DCDC1: variants seen among roughly 807,000 people sequenced by gnomAD.
The protein encoded by DCDC1 is doublecortin domain-containing protein 1.
A neutral mutation model predicts 178.3 loss-of-function variants in DCDC1; 200 were observed. The ratio of observed to expected loss-of-function variants is 1.12; its 90% CI spans 1.00 to 1.26. The LOEUF (loss-of-function observed/expected upper bound fraction) is 1.26. Ranked by LOEUF, DCDC1 falls within the 50% of genes most tolerant of loss-of-function variation. The probability of loss-of-function intolerance (pLI) is 0.00; values close to 1 mark genes in which losing one functional copy is unlikely to be tolerated. For synonymous variants in DCDC1, 690 were observed against 604.8 expected (o/e 1.14, Z -2.07); for missense variants, 1,983 against 1,749.2 (o/e 1.13, Z -2.38).
intron 7 of DCDC1, among the ~76,000 whole-genome samples, chr11:31,286,759 A>G (rs1012306991): frequency 1.3e-5 from 2 of 152,112 alleles, no homozygotes; most frequent in Admixed American, 1.3e-4. Context: ...TAGAAAACAG[A>G]TAAACATCCA....
At chr11:31,022,587 A>G (rs1236453908) in intron 20 of DCDC1, among the ~76,000 whole-genome samples, 2 of 150,830 alleles carry the variant, frequency 1.3e-5, no homozygotes, top group Non-Finnish European at 2.9e-5. Flanking sequence ...GTTAAATTCT[A>G]TAACATACAG....
chr11:31,051,444 C>A (rs1286622812), intron 20 of DCDC1, among the ~76,000 whole-genome samples: 4 of 152,116 alleles, frequency 2.6e-5, no homozygotes, highest in Non-Finnish European at 5.9e-5. Context: ...TGTGAGAGAC[C>A]TAGACAGCTA....
At chr11:31,079,478 C>T (rs1025643939) in intron 17 of DCDC1, among the ~76,000 whole-genome samples, 5 of 152,094 alleles carry the variant, frequency 3.3e-5, no homozygotes, top group East Asian at 1.9e-4. Context: ...TCAAACCCAA[C>T]GAGGGGGTCA....
chr11:31,252,270 T>G (rs1944092173), intron 8 of DCDC1, among the ~76,000 whole-genome samples: 1 of 152,132 alleles, frequency 6.6e-6, no homozygotes. Flanking sequence ...GGTGACAGAT[T>G]AAATATCTGA....
intron 20 of DCDC1, among the ~76,000 whole-genome samples, chr11:31,020,454 G>T (rs1952793486): frequency 6.6e-6 from 1 of 152,094 alleles, no homozygotes; most frequent in African/African-American, 2.4e-5. Context: ...AGAGATGTTT[G>T]TCTTAAGTCA....
chr11:31,127,782 A>G, intron 10 of DCDC1, 143 bp from the exon 11 acceptor site: 1 of 556,646 alleles, frequency 1.8e-6, no homozygotes, highest in Non-Finnish European at 3.2e-6. Flanking sequence ...AAGTAAAAAC[A>G]ATGAAAGAGA....
At chr11:31,297,156 T>A (rs989332680) in intron 6 of DCDC1, among the ~76,000 whole-genome samples, 3 of 151,984 alleles carry the variant, frequency 2.0e-5, no homozygotes, top group Non-Finnish European at 4.4e-5. Context: ...ACAGAGAAAC[T>A]GAAGACGGTC....
intron 9 of DCDC1, among the ~76,000 whole-genome samples, chr11:31,154,832 C>T (rs895757558): frequency 3.9e-5 from 6 of 152,086 alleles, no homozygotes; most frequent in East Asian, 1.9e-4. Context: ...TTACTGGCTC[C>T]GTCCTCTCTG....
chr11:31,363,308 C>T (rs1000573054), intron 1 of DCDC1, among the ~76,000 whole-genome samples: 1 of 152,034 alleles, frequency 6.6e-6, no homozygotes, highest in South Asian at 2.1e-4. Flanking sequence ...ATATGAGATA[C>T]TTAGCATTTA....
chr11:31,200,054 A>G (rs972022368), intron 9 of DCDC1, among the ~76,000 whole-genome samples: 1 of 152,124 alleles, frequency 6.6e-6, no homozygotes, highest in Admixed American at 6.6e-5. Flanking sequence ...GTGCTTAGAA[A>G]AGTAAAGGGC....
At chr11:31,045,388 C>G (rs893392348) in intron 20 of DCDC1, among the ~76,000 whole-genome samples, 4 of 149,672 alleles carry the variant, frequency 2.7e-5, no homozygotes, top group African/African-American at 9.9e-5. Flanking sequence ...TTTTTCTTTT[C>G]TTTTTCCTTT....
intron 18 of DCDC1, among the ~76,000 whole-genome samples, chr11:31,072,223 G>T (rs1956608869): frequency 6.6e-6 from 1 of 151,878 alleles, no homozygotes; most frequent in Middle Eastern, 3.2e-3. Context: ...TATTTAGTTT[G>T]GCTCTTGTAA....
intron 15 of DCDC1, among the ~76,000 whole-genome samples, chr11:31,097,924 T>C (rs1380665008): frequency 6.6e-6 from 1 of 152,216 alleles, no homozygotes; most frequent in Non-Finnish European, 1.5e-5. Flanking sequence ...TAATTATGAA[T>C]GCATTCTACT....
intron 9 of DCDC1, among the ~76,000 whole-genome samples, chr11:31,157,287 A>C (rs1006208463): frequency 4.7e-5 from 7 of 150,088 alleles, no homozygotes; most frequent in African/African-American, 1.7e-4. Flanking sequence ...GCTACTCTCA[A>C]GGCTGAAGTG....
intron 9 of DCDC1, among the ~76,000 whole-genome samples, chr11:31,144,815 T>C (rs190887709): frequency 1.3e-5 from 2 of 152,318 alleles, no homozygotes; most frequent in Admixed American, 1.3e-4. Context: ...ATTAAGCATA[T>C]TAACTTATTG....
At chr11:31,059,370 A>C (rs1404217085) in intron 20 of DCDC1, among the ~76,000 whole-genome samples, 1 of 152,086 alleles carries the variant, frequency 6.6e-6, no homozygotes, top group Non-Finnish European at 1.5e-5. Context: ...TGACTTTTCT[A>C]ATCAAAAAAC....
At chr11:30,956,489 A>G (rs1948783365) in intron 20 of DCDC1, among the ~76,000 whole-genome samples, 2 of 152,236 alleles carry the variant, frequency 1.3e-5, no homozygotes, top group Admixed American at 1.3e-4. Context: ...AGTCACCAAC[A>G]CAACATAGTT....
Position 30,906,704 on chromosome 11 carries a change from C to A in DCDC1, c.3940G>T (p.Asp1314Tyr). 2 of 1,613,258 alleles carry A rather than the reference C, an allele frequency of 1.2e-6. No homozygotes were observed. The highest frequency in any genetic ancestry group is 1.7e-6 in the Non-Finnish European group (2 of 1,179,564). The change falls in exon 30 of 39, where the codon GAT becomes TAT. Residue 1314 changes from aspartate (D) to tyrosine (Y), a missense_variant. Physicochemically the swap from Asp to Tyr is radical, Grantham distance 160 (BLOSUM62 -3). Transcript: ENST00000684477. ...CAGAGCATAGTTTTTCTCTTTCCAT[C>A]AGGTGAGAGATAACAGTATCCCTAA... is the stretch of plus-strand genomic sequence containing the variant. ...DQPGYCYLSP[D>Y]GKRKTMLCLA...
At chr11:30,950,130 A>G (rs7929158) in intron 21 of DCDC1, among the ~76,000 whole-genome samples, 2,709 of 152,288 alleles carry the variant, frequency 0.018, 85 homozygotes, top group African/African-American at 0.062. Context: ...AACTGCAATG[A>G]GATATCATCT....
Sources: gnomAD v4.1 joint callset for allele counts (sites outside exome capture counted in the v4.1 genomes callset) on GRCh38, gnomAD v4.1.1 for gene constraint, MANE v1.5 for transcripts, NCBI Gene and HGNC (gene_info 2026-07-23, HGNC 2026-07-21) for gene names.